Variants in ERICH6 observed in about 807,000 individuals in gnomAD.
ERICH6 encodes the protein glutamate rich 6.
A neutral mutation model predicts 71.0 loss-of-function variants in ERICH6; 71 were observed. That is an observed-to-expected ratio of 1.00 (90% CI 0.83 to 1.22). ERICH6 has a LOEUF of 1.22. Among genes scored for constraint, ERICH6 ranks in the 50% most tolerant of loss-of-function variants. ERICH6 has a pLI of 0.00. For missense variants in ERICH6, 808 were observed against 797.2 expected (o/e 1.01, Z -0.16); for synonymous variants, 262 against 278.4 (o/e 0.94, Z 0.59).
intron 3 of ERICH6, among the ~76,000 whole-genome samples, chr3:150,697,447 T>C (rs1712695656): frequency 6.6e-6 from 1 of 152,182 alleles, no homozygotes; most frequent in African/African-American, 2.4e-5. Context: ...TTCACTCTCC[T>C]TTGAGCCCAC....
chr3:150,684,974 T>C (rs1437005690), intron 6 of ERICH6, among the ~76,000 whole-genome samples: 1 of 151,868 alleles, frequency 6.6e-6, no homozygotes, highest in African/African-American at 2.4e-5. Flanking sequence ...ACTTACACTG[T>C]AGCCTGGGTG....
intron 3 of ERICH6, among the ~76,000 whole-genome samples, chr3:150,693,186 G>T (rs1023105325): frequency 2.0e-5 from 3 of 152,152 alleles, no homozygotes; most frequent in Admixed American, 6.5e-5. Context: ...GAAACTATTT[G>T]TGAGTATTCT....
intron 10 of ERICH6, among the ~76,000 whole-genome samples, chr3:150,674,525 T>C (rs1326589842): frequency 6.6e-6 from 1 of 152,174 alleles, no homozygotes; most frequent in Non-Finnish European, 1.5e-5. Context: ...CACATCCTCC[T>C]TTCCTCAGCC....
At chr3:150,682,387 G>T in intron 6 of ERICH6, 71 bp from the exon 7 acceptor site, 1 of 1,129,554 alleles carries the variant, frequency 8.9e-7, no homozygotes, top group Non-Finnish European at 1.3e-6. Flanking sequence ...AGCAGCAGGA[G>T]CACGACCCTG....
intron 8 of ERICH6, 86 bp downstream of exon 8, chr3:150,680,687 T>G: frequency 6.4e-7 from 1 of 1,553,910 alleles, no homozygotes; most frequent in Non-Finnish European, 8.7e-7. Context: ...CAAAGTTATA[T>G]ATCTTGAAAA....
chr3:150,680,592 A>G, intron 8 of ERICH6, 54 bp from the exon 9 acceptor site: 1 of 1,600,374 alleles, frequency 6.2e-7, no homozygotes, highest in Non-Finnish European at 8.6e-7. Context: ...GAAGCTTAAA[A>G]CAGTCTACTA....
intron 1 of ERICH6, among the ~76,000 whole-genome samples, chr3:150,702,817 AGTT>A (rs1712946917): frequency 1.7e-5 from 2 of 116,240 alleles, no homozygotes; most frequent in African/African-American, 6.6e-5. Flanking sequence ...CACAAAAGAG[AGTT>A]GTTTTTTTTT....
In ERICH6 at chr3:150,682,139, AG is replaced by A. The variant is rs1711986945; in HGVS notation, c.882+78del. 4.1e-6 allele frequency: 5 copies of A among 1,234,228 alleles called. No individual in the cohort carries two copies. The Admixed American group carries it at 9.2e-5, about 23-fold the overall frequency. 76.5% of individuals were successfully genotyped at this position (1,234,228 alleles called of 1,614,324 possible). On this transcript the variant is annotated intron_variant, in intron 7 of 13. Transcript: ENST00000295910. ...CTAACTCTTTTAAAAATGGCAATGCAGGGGAAAGATGCAAGAGAAAATACTA... is the reference window on the plus strand; with the variant it reads ...CTAACTCTTTTAAAAATGGCAATGCAGGGAAAGATGCAAGAGAAAATACTA...
rs73003050 is a variant in ERICH6 at position 150,664,208 on chromosome 3, A to C, written c.1728+2579T>G. Among the ~76,000 whole-genome samples the C allele has an allele frequency of 3.9e-3, 588 of 152,232 alleles. 4 individuals carry two copies. Among genetic ancestry groups the C allele is most frequent in the African/African-American group, 0.014 (572 of 41,550 alleles). ...CTGAGAAGTCATTAAATTTCATATAAATTTAATATTTATATTGAATTCAAT... is the reference window on the plus strand; with the variant it reads ...CTGAGAAGTCATTAAATTTCATATACATTTAATATTTATATTGAATTCAAT... On this transcript the variant is annotated intron_variant, in intron 13 of 13. Coordinates refer to ENST00000295910, the MANE Select transcript of ERICH6 (RefSeq NM_152394.5).
At chr3:150,685,642 T>TC (rs1712149967) in intron 6 of ERICH6, 100 bp downstream of exon 6, 1 of 1,045,452 alleles carries the variant, frequency 9.6e-7, no homozygotes, top group African/African-American at 1.6e-5. Flanking sequence ...CTTTTTTTTT[T>TC]TTTCCTTTTA....
At position 150,686,033 on chromosome 3, in the gene ERICH6, G is replaced by A; in HGVS notation, c.611-12C>T. The A allele has an allele frequency of 6.3e-7, 1 of 1,588,942 alleles. No individual in the cohort carries two copies. The highest frequency in any genetic ancestry group is 1.1e-5 in the South Asian group (1 of 90,566). ...AATTACCCATTTTTCTGGAGAGAAA[G>A]AATAGATTCATAAGAAATGTTTAAA... is the stretch of plus-strand genomic sequence containing the variant. On this transcript the variant is annotated splice_polypyrimidine_tract_variant and intron_variant, in intron 4 of 13. Transcript: ENST00000295910.
At chr3:150,690,788 G>T (rs1712403962) in intron 3 of ERICH6, among the ~76,000 whole-genome samples, 1 of 152,132 alleles carries the variant, frequency 6.6e-6, no homozygotes, top group Non-Finnish European at 1.5e-5. Context: ...TGACATAGGG[G>T]TTACAAAACT....
intron 3 of ERICH6, among the ~76,000 whole-genome samples, chr3:150,693,753 T>C (rs762244166): frequency 2.6e-5 from 4 of 152,218 alleles, no homozygotes; most frequent in Non-Finnish European, 5.9e-5. Flanking sequence ...AAACCTATAG[T>C]ATACTTGTTG....
Position 150,703,886 on chromosome 3 carries a change from G to T in ERICH6, c.13C>A (p.Arg5Ser), listed in dbSNP as rs927008853. 5 of 1,613,792 alleles carry T rather than the reference G, an allele frequency of 3.1e-6. No individual in the cohort carries two copies. The highest frequency in any genetic ancestry group is 4.2e-6 in the Non-Finnish European group (5 of 1,179,942). Residue 5 changes from arginine (R) to serine (S), a missense_variant, in exon 1 of 14, where the codon CGC becomes AGC. Physicochemically the swap from Arg to Ser is moderately radical, Grantham distance 110. Coordinates refer to ENST00000295910, the MANE Select transcript of ERICH6 (RefSeq NM_152394.5). Reference protein sequence around the residue: MAHLRSPSGFGDPGK... With the variant: MAHLSSPSGFGDPGK... ...GGGTCTCCGAAGCCGCTAGGCGAGC[G>T]CAAGTGGGCCATGGCTGGCGGGAGG...
rs1256486661 is a variant in ERICH6, at chr3:150,677,502, A to AT, written c.1257+906dup. On this transcript the variant is annotated intron_variant, in intron 10 of 13. Transcript: ENST00000295910. ...AACTATATAATATCATGAAAAAAAA[A>AT]TTTTTTTTTTTTGAGACAGAGTTTT... 1.5e-3 allele frequency among the ~76,000 whole-genome samples: 222 copies of AT among 147,414 alleles called. 2 individuals are homozygous for AT. In the East Asian group the frequency reaches 0.016, roughly 11 times the overall value.
chr3:150,669,812 C>G (rs1711497475), intron 11 of ERICH6, among the ~76,000 whole-genome samples: 1 of 152,168 alleles, frequency 6.6e-6, no homozygotes, highest in Non-Finnish European at 1.5e-5. Flanking sequence ...AAGCATTTGA[C>G]AAGTTTCAGC....
At chr3:150,697,941 C>T (rs940939841) in intron 3 of ERICH6, among the ~76,000 whole-genome samples, 1 of 152,154 alleles carries the variant, frequency 6.6e-6, no homozygotes, top group African/African-American at 2.4e-5. Context: ...TAGAAGGAGG[C>T]ACTTGCTGTT....
intron 10 of ERICH6, among the ~76,000 whole-genome samples, chr3:150,677,502 A>ATT (rs1256486661): frequency 6.8e-6 from 1 of 147,382 alleles, no homozygotes. Flanking sequence ...TGAAAAAAAA[A>ATT]TTTTTTTTTT....
chr3:150,682,326 G>C lies in ERICH6; in HGVS notation c.784-10C>G, dbSNP rs1157499624. On this transcript the variant is annotated splice_polypyrimidine_tract_variant and intron_variant, in intron 6 of 13. Coordinates refer to ENST00000295910, the MANE Select transcript of ERICH6 (RefSeq NM_152394.5). ...TCTCCTCCTCTTCATCCTTCAGAGA[G>C]AGAGGAAAAAAATTAAAGAAGTCCC... 3.7e-6 allele frequency: 6 copies of C among 1,606,838 alleles called. No homozygotes were observed. Among genetic ancestry groups the C allele is most frequent in the African/African-American group, 2.7e-5 (2 of 74,644 alleles).
Sources: allele counts gnomAD v4.1 joint callset (sites outside exome capture counted in the v4.1 genomes callset), GRCh38; gene constraint gnomAD v4.1.1; transcripts MANE v1.5; gene names NCBI Gene and HGNC (gene_info 2026-07-23, HGNC 2026-07-21).